SNTN: variants seen among roughly 807,000 people sequenced by gnomAD.
SNTN encodes sentan, cilia apical structure protein.
Under a neutral mutation model 12.3 loss-of-function variants are expected in SNTN, and 13 were observed. That is an observed-to-expected ratio of 1.05 (90% CI 0.69 to 1.67). The LOEUF (loss-of-function observed/expected upper bound fraction) is 1.67, where lower values mean the gene tolerates loss of function less well. SNTN is among the 40% of genes most tolerant of loss of function. SNTN has a pLI of 0.00. For missense variants in SNTN, 189 were observed against 169.8 expected, an observed-to-expected ratio of 1.11 and a Z score of -0.63; for synonymous variants, 69 against 58.5, an observed-to-expected ratio of 1.18 and a Z score of -0.82.
At chr3:63,654,661 C>A (rs1311011387) in intron 1 of SNTN, 101 bp from the exon 2 acceptor site, 13 of 1,066,734 alleles carry the variant, frequency 1.2e-5, no homozygotes, top group East Asian at 2.6e-5. Flanking sequence ...GAATGTTTAC[C>A]AAAATAAACA....
intron 2 of SNTN, among the ~76,000 whole-genome samples, chr3:63,658,885 A>T (rs556610723): frequency 1.3e-5 from 2 of 152,298 alleles, no homozygotes; most frequent in East Asian, 3.9e-4. Context: ...ATTTAACAGC[A>T]TTTATTAGCA....
At chr3:63,662,144 C>T (rs1375466184) in intron 3 of SNTN, among the ~76,000 whole-genome samples, 1 of 152,160 alleles carries the variant, frequency 6.6e-6, no homozygotes, top group Non-Finnish European at 1.5e-5. Context: ...CCAAGGCATT[C>T]TCTGCAATGT....
intron 2 of SNTN, among the ~76,000 whole-genome samples, chr3:63,659,243 T>C (rs903408551): frequency 6.6e-6 from 1 of 152,156 alleles, no homozygotes; most frequent in Non-Finnish European, 1.5e-5. Context: ...TATTCATCAT[T>C]ATAGCAAAGA....
intron 3 of SNTN, among the ~76,000 whole-genome samples, chr3:63,660,424 G>A (rs1318346658): frequency 6.6e-6 from 1 of 152,144 alleles, no homozygotes; most frequent in Non-Finnish European, 1.5e-5. Context: ...ACCAGCTGCA[G>A]TACAGAGAAC....
chr3:63,654,529 A>G (rs1436346211), intron 1 of SNTN, among the ~76,000 whole-genome samples: 1 of 152,194 alleles, frequency 6.6e-6, no homozygotes, highest in Admixed American at 6.5e-5. Flanking sequence ...CATAGCTGCA[A>G]AACTACAAGG....
At chr3:63,660,890 T>G (rs1390913422) in intron 3 of SNTN, among the ~76,000 whole-genome samples, 2 of 152,184 alleles carry the variant, frequency 1.3e-5, no homozygotes, top group Admixed American at 1.3e-4. Flanking sequence ...ATATAATCAG[T>G]CACTGGCCTA....
chr3:63,654,867 AT>A (rs1700659797), intron 2 of SNTN, 71 bp downstream of exon 2: 13 of 1,314,422 alleles, frequency 9.9e-6, no homozygotes, highest in South Asian at 9.0e-5. Flanking sequence ...TTAAAAAAAA[AT>A]AATAGGACAT....
intron 2 of SNTN, among the ~76,000 whole-genome samples, chr3:63,656,311 T>C (rs1019849762): frequency 6.6e-6 from 1 of 152,152 alleles, no homozygotes. Flanking sequence ...GCCTACAACA[T>C]GCCAGGGCCT....
At chr3:63,655,222 T>C (rs969623618) in intron 2 of SNTN, among the ~76,000 whole-genome samples, 3 of 152,172 alleles carry the variant, frequency 2.0e-5, no homozygotes, top group Non-Finnish European at 2.9e-5. Flanking sequence ...TCTCGAAGTG[T>C]AAATATTTGC....
chr3:63,659,863 A>T lies in SNTN; in HGVS notation c.284A>T (p.Glu95Val). 2 of 1,613,926 alleles carry T rather than the reference A, an allele frequency of 1.2e-6. No individual in the cohort carries two copies. Among genetic ancestry groups the T allele is most frequent in the Non-Finnish European group, 1.7e-6 (2 of 1,179,876 alleles). Residue 95 changes from glutamate to valine, a missense_variant and splice_region_variant, in exon 3 of 4, where the codon GAG becomes GTG. Coordinates refer to ENST00000343837, the MANE Select transcript of SNTN (RefSeq NM_001080537.2). The part of the protein sequence containing the change: ...LLQTQFRNFA[E>V]GQETKPKYRE... ...CAAACCCAATTTAGGAATTTCGCAGAGGTGAGAGAATTAACTTGCATAAAG... is the reference window on the plus strand; with the variant it reads ...CAAACCCAATTTAGGAATTTCGCAGTGGTGAGAGAATTAACTTGCATAAAG...
chr3:63,663,960 CAG>C lies in SNTN; in HGVS notation c.315_316del (p.Glu105AspfsTer4), dbSNP rs1258542663. 2.5e-6 allele frequency: 4 copies of C among 1,612,396 alleles called. No homozygotes were observed. Among genetic ancestry groups the C allele is most frequent in the South Asian group, 1.1e-5 (1 of 90,404 alleles). On this transcript the variant is annotated frameshift_variant, in exon 4 of 4. Coordinates refer to ENST00000343837, the MANE Select transcript of SNTN (RefSeq NM_001080537.2). LOFTEE classifies it high-confidence loss of function. ...AGGGACAAGAAACCAAGCCAAAATA[CAG>C]AGAGATCCTTTCTGAACTTGATGAG... ...AEGQETKPKY[R>X]EILSELDEHT...
chr3:63,664,024 A>T lies in SNTN; in HGVS notation c.373A>T (p.Ile125Phe), dbSNP rs774938904. 1 of 1,613,986 alleles carries T rather than the reference A, an allele frequency of 6.2e-7. No individual in the cohort carries two copies. The highest frequency in any genetic ancestry group is 1.1e-5 in the South Asian group (1 of 91,044). Residue 125 changes from isoleucine to phenylalanine, a missense_variant, in exon 4 of 4, where the codon ATC becomes TTC. Ile to Phe is a conservative substitution (Grantham distance 21, BLOSUM62 0). Transcript: ENST00000343837. ...TAAGCTAGATTTTGAAGACTTCATGATCTTGCTCTTAAGCATCACTGTCAT... is the reference window on the plus strand; with the variant it reads ...TAAGCTAGATTTTGAAGACTTCATGTTCTTGCTCTTAAGCATCACTGTCAT... ...ENKLDFEDFM[I>F]LLLSITVMSD...
At chr3:63,654,672 AT>A in intron 1 of SNTN, 89 bp from the exon 2 acceptor site, 4 of 1,192,804 alleles carry the variant, frequency 3.4e-6, no homozygotes, top group South Asian at 1.4e-5. Flanking sequence ...AAAATAAACA[AT>A]TTTTAAATCA....
At chr3:63,659,888 GA>G (rs1286452703) in intron 3 of SNTN, 24 bp downstream of exon 3, 2 of 1,613,128 alleles carry the variant, frequency 1.2e-6, no homozygotes, top group Non-Finnish European at 1.7e-6. Flanking sequence ...CTTGCATAAA[GA>G]AACAGAAACT....
In SNTN at chr3:63,652,698, G is replaced by C. The variant is rs1461748711; in HGVS notation, c.11G>C (p.Cys4Ser). The stretch of plus-strand genomic sequence containing the variant: ...ACAGAAGATGAGAGAATGGGTGGCT[G>C]TATGCACAGTACCCAGGACAAATCT... MGG[C>S]MHSTQDKSLH... is the part of the protein sequence containing the mutation. The change falls in exon 1 of 4, where the codon TGT becomes TCT. Residue 4 changes from cysteine to serine, a missense_variant. Cys to Ser is a moderately radical substitution (Grantham distance 112). Coordinates refer to ENST00000343837, the MANE Select transcript of SNTN (RefSeq NM_001080537.2). 1.9e-6 allele frequency: 3 copies of C among 1,613,760 alleles called. No homozygotes were observed. The highest frequency in any genetic ancestry group is 4.5e-5 in the East Asian group (2 of 44,870).
At chr3:63,663,857 A>G in intron 3 of SNTN, 80 bp from the exon 4 acceptor site, 1 of 1,508,112 alleles carries the variant, frequency 6.6e-7, no homozygotes, top group East Asian at 2.3e-5. Context: ...AACACTAAAC[A>G]GACTAAGACA....
intron 3 of SNTN, 135 bp from the exon 4 acceptor site, chr3:63,663,799 TTTC>T (rs1299065531): frequency 9.1e-7 from 1 of 1,103,068 alleles, no homozygotes; most frequent in Non-Finnish European, 1.4e-6. Flanking sequence ...AAGCCAAATT[TTTC>T]TTTTTTCTTT....
chr3:63,662,617 C>A, intron 3 of SNTN, among the ~76,000 whole-genome samples: 1 of 152,278 alleles, frequency 6.6e-6, no homozygotes, highest in East Asian at 1.9e-4. Flanking sequence ...TGGAATCTGA[C>A]CCTTTCTAAA....
At chr3:63,658,132 A>G (rs140321736) in intron 2 of SNTN, among the ~76,000 whole-genome samples, 6 of 152,092 alleles carry the variant, frequency 3.9e-5, no homozygotes, top group Non-Finnish European at 8.8e-5. Flanking sequence ...CTTCTTTCAG[A>G]AATCTGCCAA....
Sources: allele counts gnomAD v4.1 joint callset (sites outside exome capture counted in the v4.1 genomes callset), GRCh38; gene constraint gnomAD v4.1.1; transcripts MANE v1.5; gene names NCBI Gene and HGNC (gene_info 2026-07-23, HGNC 2026-07-21).